Variants in SYT16 observed in about 807,000 individuals in gnomAD.
SYT16 encodes synaptotagmin 16.
Under a neutral mutation model 61.4 loss-of-function variants are expected in SYT16, and 42 were observed. The observed-to-expected ratio is 0.68, with a 90% CI of 0.53 to 0.89. The LOEUF (loss-of-function observed/expected upper bound fraction) is 0.89, where lower values mean the gene tolerates loss of function less well. Ranked by LOEUF, SYT16 falls within the 40% of genes least tolerant of loss-of-function variation. The pLI is 0.00. For synonymous variants in SYT16, 314 were observed against 302.3 expected (o/e 1.04, Z -0.40); for missense variants, 804 against 807.3 (o/e 1.00, Z 0.05).
chr14:62,069,855 G>T, intron 4 of SYT16, 40 bp downstream of exon 4: 1 of 1,593,072 alleles, frequency 6.3e-7, no homozygotes, highest in Non-Finnish European at 8.6e-7. Context: ...ACCAGGGATG[G>T]CCAATGGTAA....
At chr14:61,939,076 AG>A (rs1415971304) in intron 1 of SYT16, among the ~76,000 whole-genome samples, 3 of 152,212 alleles carry the variant, frequency 2.0e-5, no homozygotes, top group Admixed American at 6.5e-5. Context: ...CAGAGGTTGT[AG>A]TGAGCTGAGA....
chr14:62,047,736 A>G (rs202083183), intron 3 of SYT16, among the ~76,000 whole-genome samples: 9 of 152,024 alleles, frequency 5.9e-5, no homozygotes, highest in South Asian at 2.1e-4. Context: ...AGATAATCAT[A>G]TGGTTTTTGT....
intron 1 of SYT16, among the ~76,000 whole-genome samples, chr14:61,841,214 T>C (rs1205782759): frequency 6.6e-6 from 1 of 152,218 alleles, no homozygotes; most frequent in African/African-American, 2.4e-5. Flanking sequence ...AATGCTTTTG[T>C]AGAGAGCCAT....
At chr14:61,917,475 C>T (rs2049165133) in intron 1 of SYT16, among the ~76,000 whole-genome samples, 1 of 152,118 alleles carries the variant, frequency 6.6e-6, no homozygotes, top group Non-Finnish European at 1.5e-5. Flanking sequence ...CTATCTTCTA[C>T]TAGACTTGGA....
intron 1 of SYT16, among the ~76,000 whole-genome samples, chr14:61,955,577 A>G (rs1000977728): frequency 6.6e-6 from 1 of 152,048 alleles, no homozygotes; most frequent in Non-Finnish European, 1.5e-5. Context: ...TTTACTTAGC[A>G]TAATGTTCTT....
intron 3 of SYT16, among the ~76,000 whole-genome samples, chr14:62,021,865 C>T (rs1040294612): frequency 1.9e-4 from 29 of 152,132 alleles, no homozygotes; most frequent in African/African-American, 6.8e-4. Flanking sequence ...AGCTGAAATT[C>T]TTCCTAATGG....
chr14:62,035,340 G>C (rs1418142025), intron 3 of SYT16, among the ~76,000 whole-genome samples: 1 of 152,096 alleles, frequency 6.6e-6, no homozygotes, highest in African/African-American at 2.4e-5. Context: ...GTACTGCTTT[G>C]ATTTTTACTT....
chr14:61,886,873 T>C (rs11847423), intron 1 of SYT16, among the ~76,000 whole-genome samples: 38,821 of 136,890 alleles, frequency 0.28, 6,248 homozygotes, highest in Admixed American at 0.31. Flanking sequence ...GCTTATTTTT[T>C]TTTTGTCTTT....
At chr14:62,022,764 G>C (rs937048097) in intron 3 of SYT16, among the ~76,000 whole-genome samples, 1 of 151,926 alleles carries the variant, frequency 6.6e-6, no homozygotes, top group Non-Finnish European at 1.5e-5. Context: ...CTGCCATTGG[G>C]TTCATCAATT....
At chr14:61,905,401 A>G (rs2048666209) in intron 1 of SYT16, among the ~76,000 whole-genome samples, 1 of 152,240 alleles carries the variant, frequency 6.6e-6, no homozygotes, top group South Asian at 2.1e-4. Flanking sequence ...AAATTGCTGC[A>G]ATTACTTATG....
At chr14:62,065,911 A>G (rs2140931666) in intron 3 of SYT16, among the ~76,000 whole-genome samples, 1 of 152,276 alleles carries the variant, frequency 6.6e-6, no homozygotes, top group East Asian at 1.9e-4. Flanking sequence ...AGCTTATTGG[A>G]GTAATGCTGG....
intron 2 of SYT16, among the ~76,000 whole-genome samples, chr14:61,979,867 C>A (rs1032819261): frequency 6.6e-6 from 1 of 151,658 alleles, no homozygotes; most frequent in African/African-American, 2.4e-5. Flanking sequence ...GGCGACAGAG[C>A]GAGACTCTGT....
chr14:61,908,108 T>C (rs1474624515), intron 1 of SYT16, among the ~76,000 whole-genome samples: 2 of 152,262 alleles, frequency 1.3e-5, no homozygotes, highest in African/African-American at 4.8e-5. Flanking sequence ...GACCAGCCTT[T>C]GGCCTTTAAA....
At chr14:61,892,842 G>A (rs962319027) in intron 1 of SYT16, among the ~76,000 whole-genome samples, 11 of 152,134 alleles carry the variant, frequency 7.2e-5, no homozygotes, top group African/African-American at 2.7e-4. Context: ...CCATTGGCCA[G>A]GCTTGGTTGG....
At chr14:61,944,399 GA>G (rs1384408097) in intron 1 of SYT16, among the ~76,000 whole-genome samples, 5 of 152,098 alleles carry the variant, frequency 3.3e-5, no homozygotes, top group Middle Eastern at 3.4e-3. Flanking sequence ...ACTTCATATG[GA>G]ACCAAAAAAG....
At chr14:61,913,259 G>T (rs1237963546) in intron 1 of SYT16, among the ~76,000 whole-genome samples, 1 of 152,146 alleles carries the variant, frequency 6.6e-6, no homozygotes, top group Non-Finnish European at 1.5e-5. Context: ...GAGCTGTAGT[G>T]CCCAGAACAT....
chr14:62,034,945 A>T (rs1347891750), intron 3 of SYT16, among the ~76,000 whole-genome samples: 1 of 152,170 alleles, frequency 6.6e-6, no homozygotes. Flanking sequence ...AAATGACAAA[A>T]GTTTTTCTGT....
At chr14:62,083,308 G>A (rs1009188727) in intron 6 of SYT16, among the ~76,000 whole-genome samples, 18 of 152,216 alleles carry the variant, frequency 1.2e-4, no homozygotes, top group Admixed American at 1.1e-3. Flanking sequence ...AAAGGTTTAA[G>A]TCAAGTCTAA....
intron 1 of SYT16, among the ~76,000 whole-genome samples, chr14:61,930,897 A>C (rs1014823234): frequency 6.6e-6 from 1 of 152,124 alleles, no homozygotes; most frequent in Admixed American, 6.6e-5. Flanking sequence ...AAGAAAATGG[A>C]TTCTCTTTTA....
Sources: allele counts gnomAD v4.1 joint callset (sites outside exome capture counted in the v4.1 genomes callset), GRCh38; gene constraint gnomAD v4.1.1; transcripts MANE v1.5; gene names NCBI Gene and HGNC (gene_info 2026-07-23, HGNC 2026-07-21).